Variants in ROBO2 observed in about 807,000 individuals in gnomAD.
ROBO2 encodes the protein roundabout homolog 2.
Under a neutral mutation model 160.8 loss-of-function variants are expected in ROBO2, and 53 were observed. That is an observed-to-expected ratio of 0.33 (90% CI 0.26 to 0.41). The LOEUF (loss-of-function observed/expected upper bound fraction) is 0.41, where lower values mean the gene tolerates loss of function less well. ROBO2 is among the 10% of genes least tolerant of loss of function. ROBO2 has a pLI of 1.00. For synonymous variants in ROBO2, 664 were observed against 611.7 expected, an observed-to-expected ratio of 1.09 and a Z score of -1.26; for missense variants, 1,577 against 1,722.4, an observed-to-expected ratio of 0.92 and a Z score of 1.49.
intron 2 of ROBO2, among the ~76,000 whole-genome samples, chr3:76,620,745 T>C (rs901394340): frequency 6.6e-6 from 1 of 152,132 alleles, no homozygotes; most frequent in Non-Finnish European, 1.5e-5. Context: ...AACTAGCTTA[T>C]AAATACTAAA....
At chr3:76,721,340 T>A (rs1361537778) in intron 2 of ROBO2, among the ~76,000 whole-genome samples, 1 of 152,200 alleles carries the variant, frequency 6.6e-6, no homozygotes, top group Non-Finnish European at 1.5e-5. Flanking sequence ...TTTCATCTGT[T>A]CCTTCCTATT....
chr3:76,435,972 C>A (rs1397343605), intron 2 of ROBO2, among the ~76,000 whole-genome samples: 6 of 152,098 alleles, frequency 3.9e-5, no homozygotes, highest in Non-Finnish European at 2.9e-5. Context: ...AAATTGTGTC[C>A]TATAAGCATT....
chr3:77,333,440 C>T (rs1258848738), intron 2 of ROBO2, among the ~76,000 whole-genome samples: 1 of 152,086 alleles, frequency 6.6e-6, no homozygotes. Context: ...AGTATAGAAG[C>T]TTTTAAGTGA....
chr3:76,291,336 G>A (rs1431519714), intron 2 of ROBO2, among the ~76,000 whole-genome samples: 2 of 152,112 alleles, frequency 1.3e-5, no homozygotes, highest in African/African-American at 2.4e-5. Flanking sequence ...TGTGCATAGA[G>A]GTGTTCATAA....
At chr3:76,320,697 G>T (rs1345021028) in intron 2 of ROBO2, among the ~76,000 whole-genome samples, 1 of 152,194 alleles carries the variant, frequency 6.6e-6, no homozygotes, top group Admixed American at 6.5e-5. Flanking sequence ...AACAAGTACA[G>T]ATTTTCATTT....
chr3:76,490,267 A>G (rs902249925), intron 2 of ROBO2, among the ~76,000 whole-genome samples: 2 of 152,212 alleles, frequency 1.3e-5, no homozygotes, highest in African/African-American at 4.8e-5. Flanking sequence ...GTCACAACCT[A>G]AAACACTTCT....
At chr3:76,104,200 A>T (rs2069824156) in intron 2 of ROBO2, among the ~76,000 whole-genome samples, 1 of 152,214 alleles carries the variant, frequency 6.6e-6, no homozygotes, top group Admixed American at 6.5e-5. Context: ...TGAACACTTA[A>T]ATCTTTCATA....
intron 2 of ROBO2, among the ~76,000 whole-genome samples, chr3:76,176,870 C>CTCAAG (rs1304899964): frequency 6.6e-6 from 1 of 152,032 alleles, no homozygotes; most frequent in Non-Finnish European, 1.5e-5. Flanking sequence ...TAGTAGAACA[C>CTCAAG]TCAAGTGTAG....
At chr3:76,958,687 C>A (rs559315294) in intron 2 of ROBO2, among the ~76,000 whole-genome samples, 1 of 152,306 alleles carries the variant, frequency 6.6e-6, no homozygotes, top group East Asian at 1.9e-4. Flanking sequence ...GCTGTGTTTT[C>A]CATTTCTATC....
At chr3:75,919,350 C>T (rs1190681804) in intron 1 of ROBO2, among the ~76,000 whole-genome samples, 6 of 152,032 alleles carry the variant, frequency 3.9e-5, no homozygotes, top group African/African-American at 9.7e-5. Context: ...TATTGATTTG[C>T]GTATGTTGAA....
intron 5 of ROBO2, among the ~76,000 whole-genome samples, chr3:77,510,071 G>C (rs1434162133): frequency 6.6e-6 from 1 of 151,956 alleles, no homozygotes; most frequent in Non-Finnish European, 1.5e-5. Flanking sequence ...GGAGGGGACT[G>C]GTGAAGTGGC....
At chr3:77,607,821 A>G (rs1485126472) in exon 21 of ROBO2, 1 of 1,614,036 alleles carries the variant, frequency 6.2e-7, no homozygotes, top group Admixed American at 1.7e-5. Context: ...AAAAAAGAAG[A>G]AAAATAAAAA....
chr3:76,082,369 G>C (rs967390453), intron 2 of ROBO2, among the ~76,000 whole-genome samples: 7 of 152,110 alleles, frequency 4.6e-5, no homozygotes, highest in Admixed American at 6.6e-5. Flanking sequence ...AAAAAGTTAT[G>C]CTATATGTAG....
At chr3:77,090,901 T>A (rs1578878074) in intron 1 of ROBO2, among the ~76,000 whole-genome samples, 1 of 152,336 alleles carries the variant, frequency 6.6e-6, no homozygotes, top group Admixed American at 6.5e-5. Flanking sequence ...TATATCGTTT[T>A]GGGGAACAAT....
At position 76,524,888 on chromosome 3, in the gene ROBO2, A is replaced by G. The variant is rs191023666; in HGVS notation, c.110-573126A>G. ...AAAATAAGTAAAATCAGATACATCA[A>G]ATAAATGATTTCTACGCCTCACATT... is the stretch of plus-strand genomic sequence containing the variant. On this transcript the variant is annotated intron_variant, in intron 2 of 26. Transcript: ENST00000487694. Among the ~76,000 whole-genome samples the G allele has an allele frequency of 9.4e-5, 14 of 148,938 alleles. No homozygotes were observed. The East Asian group carries it at 9.8e-4, about 10-fold the overall frequency.
rs368747726 is a variant in ROBO2, at chr3:76,620,531, G to A, written c.110-477483G>A. Among the ~76,000 whole-genome samples the A allele has an allele frequency of 6.2e-4, 94 of 152,178 alleles. 1 individual carries two copies. The South Asian group carries it at 6.2e-3, about 10-fold the overall frequency. On this transcript the variant is annotated intron_variant, in intron 2 of 26. Coordinates refer to the ROBO2 transcript ENST00000487694. ...ATATTTTAGCTCCTAATTCAGCATA[G>A]AAATATAAAATTAGGGGTAAACCTG...
At chr3:76,340,350 C>T (rs184641808) in intron 2 of ROBO2, among the ~76,000 whole-genome samples, 1 of 152,218 alleles carries the variant, frequency 6.6e-6, no homozygotes, top group Non-Finnish European at 1.5e-5. Context: ...CAGTATCCAA[C>T]ATTTCACCTC....
chr3:77,313,802 T>A (rs2063742015), intron 2 of ROBO2, among the ~76,000 whole-genome samples: 1 of 152,188 alleles, frequency 6.6e-6, no homozygotes, highest in African/African-American at 2.4e-5. Flanking sequence ...CACGCTGGTC[T>A]CGAACTCCCG....
intron 2 of ROBO2, among the ~76,000 whole-genome samples, chr3:76,861,382 C>T (rs2070764184): frequency 6.6e-6 from 1 of 152,172 alleles, no homozygotes; most frequent in African/African-American, 2.4e-5. Context: ...GCACTTATGA[C>T]AATGCCTACC....
Sources: gnomAD v4.1 joint callset for allele counts (sites outside exome capture counted in the v4.1 genomes callset) on GRCh38, gnomAD v4.1.1 for gene constraint, MANE v1.5 for transcripts, NCBI Gene and HGNC (gene_info 2026-07-23, HGNC 2026-07-21) for gene names.